CCDC171: variants seen among roughly 807,000 people sequenced by gnomAD.
CCDC171 encodes the protein coiled-coil domain containing 171.
CCDC171 carries 177 observed loss-of-function variants against 168.2 expected under a neutral mutation model. The observed-to-expected ratio is 1.05, with a 90% CI of 0.93 to 1.19. CCDC171 has a LOEUF of 1.19. Ranked by LOEUF, CCDC171 falls within the 50% of genes most tolerant of loss-of-function variation. The pLI is 0.00. For missense variants in CCDC171, 1,991 were observed against 1,539.0 expected, an observed-to-expected ratio of 1.29 and a Z score of -4.91; for synonymous variants, 687 against 540.8, an observed-to-expected ratio of 1.27 and a Z score of -3.75.
chr9:16,090,499 G>A, the CCDC171 span, among the ~76,000 whole-genome samples: 1 of 152,058 alleles, frequency 6.6e-6, no homozygotes, highest in African/African-American at 2.4e-5. Flanking sequence ...AAACCACCAT[G>A]GCACGTGTAT....
chr9:15,901,908 G>C (rs1821721460), intron 24 of CCDC171, among the ~76,000 whole-genome samples: 1 of 152,078 alleles, frequency 6.6e-6, no homozygotes, highest in African/African-American at 2.4e-5. Context: ...TTTATAATGA[G>C]ATGAGAGACT....
At chr9:15,570,995 A>G (rs1027293181) in intron 2 of CCDC171, among the ~76,000 whole-genome samples, 1 of 152,100 alleles carries the variant, frequency 6.6e-6, no homozygotes, top group Non-Finnish European at 1.5e-5. Context: ...TTGTTGGCAG[A>G]CTTTCAAATA....
At chr9:15,669,567 G>C (rs1487986829) in intron 9 of CCDC171, among the ~76,000 whole-genome samples, 1 of 152,050 alleles carries the variant, frequency 6.6e-6, no homozygotes, top group Non-Finnish European at 1.5e-5. Flanking sequence ...ACTAGATCCT[G>C]TTCCTTCCAT....
At chr9:15,791,453 G>A (rs1201712489) in intron 21 of CCDC171, among the ~76,000 whole-genome samples, 6 of 152,112 alleles carry the variant, frequency 3.9e-5, no homozygotes, top group Admixed American at 1.3e-4. Context: ...TTTGTATCCT[G>A]AGACTTTGCT....
Position 15,678,212 on chromosome 9 carries a change from A to G in CCDC171, c.1077-546A>G, listed in dbSNP as rs747331409. The stretch of plus-strand genomic sequence containing the variant: ...AGGTGTGAGCTGCTGCACCTGGCCT[A>G]TCTGAGCAAAATTTAAATAGGAAGG... On this transcript the variant is annotated intron_variant, in intron 9 of 25. Transcript: ENST00000380701. 3.3e-5 allele frequency among the ~76,000 whole-genome samples: 5 copies of G among 151,922 alleles called. No individual in the cohort carries two copies. The East Asian group carries it at 5.9e-4, about 18-fold the overall frequency.
chr9:15,780,895 A>G (rs1192315948), intron 20 of CCDC171, among the ~76,000 whole-genome samples: 1 of 152,176 alleles, frequency 6.6e-6, no homozygotes, highest in Non-Finnish European at 1.5e-5. Context: ...TACTTAAATA[A>G]TAAAGAGATG....
At chr9:15,963,218 T>G (rs2132669607) in intron 25 of CCDC171, among the ~76,000 whole-genome samples, 1 of 152,284 alleles carries the variant, frequency 6.6e-6, no homozygotes, top group African/African-American at 2.4e-5. Context: ...CATTAGGAGA[T>G]ATACCTAATG....
At position 15,723,662 on chromosome 9, in the gene CCDC171, C is replaced by T. The variant is rs753541170; in HGVS notation, c.1426-19C>T. 1.4e-5 allele frequency: 22 copies of T among 1,576,030 alleles called. No individual in the cohort carries two copies. In the East Asian group the frequency reaches 3.2e-4, roughly 23 times the overall value. On this transcript the variant is annotated intron_variant, in intron 12 of 25. Coordinates refer to ENST00000380701, the MANE Select transcript of CCDC171 (RefSeq NM_173550.4). ...CTTATATTTTCTTTCATCAGCTAAA[C>T]AGCATGAATGATGTTAAGGAAAAGG...
intron 18 of CCDC171, among the ~76,000 whole-genome samples, chr9:15,769,950 C>G (rs372409710): frequency 7.2e-5 from 11 of 152,254 alleles, no homozygotes; most frequent in Admixed American, 2.0e-4. Flanking sequence ...ATAGTTCTTT[C>G]CTTTCCAATA....
chr9:16,011,021 C>G (rs537461752), intron 3 of CCDC171, among the ~76,000 whole-genome samples: 4 of 152,286 alleles, frequency 2.6e-5, no homozygotes, highest in African/African-American at 9.6e-5. Flanking sequence ...TGTTCTCCAG[C>G]ATCTGCAAAT....
intron 21 of CCDC171, among the ~76,000 whole-genome samples, chr9:15,811,354 T>C (rs1455552137): frequency 1.3e-5 from 2 of 152,204 alleles, no homozygotes; most frequent in Non-Finnish European, 2.9e-5. Flanking sequence ...ATTACACAAA[T>C]AAATATGGAA....
chr9:15,639,413 G>T (rs1244895744), intron 7 of CCDC171, among the ~76,000 whole-genome samples: 1 of 151,896 alleles, frequency 6.6e-6, no homozygotes, highest in Non-Finnish European at 1.5e-5. Flanking sequence ...TTTTAAAGAA[G>T]GTAAATCAGT....
chr9:15,800,854 A>G (rs1293217174), intron 21 of CCDC171, among the ~76,000 whole-genome samples: 1 of 152,086 alleles, frequency 6.6e-6, no homozygotes, highest in East Asian at 1.9e-4. Flanking sequence ...TCCCTACACT[A>G]TTTATTGAAG....
At chr9:15,695,671 G>T (rs1272511555) in intron 11 of CCDC171, among the ~76,000 whole-genome samples, 1 of 152,128 alleles carries the variant, frequency 6.6e-6, no homozygotes, top group East Asian at 1.9e-4. Flanking sequence ...CGATCAAACT[G>T]AGCCAAATTC....
intron 21 of CCDC171, among the ~76,000 whole-genome samples, chr9:15,813,031 C>A (rs1341268921): frequency 2.0e-5 from 3 of 151,966 alleles, no homozygotes; most frequent in East Asian, 1.9e-4. Flanking sequence ...AGAGAGTGTG[C>A]AAATAAGGGT....
intron 4 of CCDC171, chr9:15,588,425 T>C: frequency 3.5e-6 from 1 of 284,366 alleles, no homozygotes; most frequent in South Asian, 3.8e-5. Flanking sequence ...TCTGCAAGGT[T>C]GTCTGCTAAA....
chr9:15,910,529 G>A (rs931355933), intron 24 of CCDC171, among the ~76,000 whole-genome samples: 2 of 151,406 alleles, frequency 1.3e-5, no homozygotes, highest in African/African-American at 4.8e-5. Flanking sequence ...TTTTTGCTTA[G>A]GATTGCTTTG....
chr9:16,108,766 A>G, the CCDC171 span, among the ~76,000 whole-genome samples: 7 of 152,226 alleles, frequency 4.6e-5, no homozygotes, highest in African/African-American at 1.7e-4. Context: ...GAAAAAAATT[A>G]CAATTAAAAA....
At chr9:15,872,927 G>C (rs945823333) in intron 23 of CCDC171, among the ~76,000 whole-genome samples, 1 of 151,998 alleles carries the variant, frequency 6.6e-6, no homozygotes, top group Non-Finnish European at 1.5e-5. Context: ...GATTTGTTTT[G>C]TTATGCTAAG....
Sources: allele counts gnomAD v4.1 joint callset (sites outside exome capture counted in the v4.1 genomes callset), GRCh38; gene constraint gnomAD v4.1.1; transcripts MANE v1.5; gene names NCBI Gene and HGNC (gene_info 2026-07-23, HGNC 2026-07-21).